The following SNTG2 variants were observed in gnomAD, a reference collection of about 807,000 sequenced individuals.
SNTG2 encodes syntrophin gamma 2, also known as gamma-2-syntrophin.
SNTG2 carries 74 observed loss-of-function variants against 70.9 expected under a neutral mutation model. The ratio of observed to expected loss-of-function variants is 1.04; its 90% CI spans 0.86 to 1.27. The LOEUF (loss-of-function observed/expected upper bound fraction) is 1.27. Among genes scored for constraint, SNTG2 ranks in the 50% most tolerant of loss-of-function variants. The pLI is 0.00. For missense variants in SNTG2, 717 were observed against 690.7 expected (o/e 1.04, Z -0.43); for synonymous variants, 278 against 273.8 (o/e 1.02, Z -0.15).
intron 6 of SNTG2, among the ~76,000 whole-genome samples, chr2:1,143,947 GA>G (rs767849622): frequency 4.8e-5 from 6 of 126,120 alleles, no homozygotes; most frequent in Non-Finnish European, 3.3e-5. Flanking sequence ...TTCTTAAGAG[GA>G]AAAAAAACAG....
At chr2:1,231,027 A>C (rs533412763) in intron 9 of SNTG2, among the ~76,000 whole-genome samples, 6 of 151,214 alleles carry the variant, frequency 4.0e-5, no homozygotes, top group African/African-American at 1.5e-4. Context: ...TAGGATAATG[A>C]CAGTGCCTCT....
At chr2:1,207,779 C>T (rs886085538) in intron 8 of SNTG2, among the ~76,000 whole-genome samples, 4 of 152,172 alleles carry the variant, frequency 2.6e-5, no homozygotes, top group Admixed American at 6.5e-5. Flanking sequence ...CAACCAGAGC[C>T]AGTTCAGCGG....
chr2:1,105,168 CCA>C (rs2148231473), intron 4 of SNTG2, among the ~76,000 whole-genome samples: 1 of 152,262 alleles, frequency 6.6e-6, no homozygotes, highest in Admixed American at 6.5e-5. Flanking sequence ...CTCTGCTGAA[CCA>C]TGGGAGCAGG....
intron 4 of SNTG2, among the ~76,000 whole-genome samples, chr2:1,104,769 C>T (rs1666004718): frequency 6.6e-6 from 1 of 152,210 alleles, no homozygotes; most frequent in South Asian, 2.1e-4. Context: ...TTGCTCTTCT[C>T]ACTGAACGAG....
At chr2:1,142,266 A>T (rs1320022499) in intron 6 of SNTG2, among the ~76,000 whole-genome samples, 1 of 152,226 alleles carries the variant, frequency 6.6e-6, no homozygotes, top group African/African-American at 2.4e-5. Flanking sequence ...CCATGGCTAG[A>T]TAGATCTGCA....
intron 16 of SNTG2, among the ~76,000 whole-genome samples, chr2:1,347,016 A>T (rs1660324661): frequency 6.6e-6 from 1 of 152,120 alleles, no homozygotes; most frequent in Non-Finnish European, 1.5e-5. Flanking sequence ...TTAAAAAAAA[A>T]ATCTGTTCAA....
At chr2:1,200,124 A>G (rs1400462188) in intron 8 of SNTG2, among the ~76,000 whole-genome samples, 1 of 152,082 alleles carries the variant, frequency 6.6e-6, no homozygotes, top group Non-Finnish European at 1.5e-5. Flanking sequence ...AATACACTAC[A>G]GAGCTATAGT....
At chr2:1,237,531 C>T (rs995946972) in intron 9 of SNTG2, among the ~76,000 whole-genome samples, 1 of 152,160 alleles carries the variant, frequency 6.6e-6, no homozygotes, top group Non-Finnish European at 1.5e-5. Context: ...TGCTGGGCTG[C>T]TCCAGCCTCA....
chr2:1,281,397 TTATGTGGTGTGTTGTGTGTGTGTG>T, intron 14 of SNTG2, among the ~76,000 whole-genome samples: 1 of 2,198 alleles, frequency 4.5e-4, no homozygotes, highest in East Asian at 0.01. Flanking sequence ...TGGTGTGTGT[TTATGTGGTGTGTTGTGTGTGTGTG>T]TGTGGTGTGG....
At chr2:1,167,837 G>A (rs1484980377) in intron 7 of SNTG2, among the ~76,000 whole-genome samples, 4 of 123,506 alleles carry the variant, frequency 3.2e-5, no homozygotes, top group African/African-American at 1.1e-4. Context: ...GCCCACAGAC[G>A]ACAGAACTGA....
At chr2:1,162,970 C>T (rs1670428528) in intron 6 of SNTG2, among the ~76,000 whole-genome samples, 1 of 152,192 alleles carries the variant, frequency 6.6e-6, no homozygotes, top group Non-Finnish European at 1.5e-5. Context: ...AGGAAAGACG[C>T]CTTGGAGACA....
chr2:1,076,557 A>C (rs1187805558), intron 1 of SNTG2, among the ~76,000 whole-genome samples: 1 of 152,222 alleles, frequency 6.6e-6, no homozygotes, highest in Non-Finnish European at 1.5e-5. Context: ...ACTTTATGTC[A>C]AGTATATTCT....
rs550690099 is a variant in SNTG2, at chr2:1,112,902, C to T, written c.325+14492C>T. ...TGTACTAACTGAGGTTTAACCCTCA[C>T]AGTACTTGGAGGAGGATCATGTATA... is the stretch of plus-strand genomic sequence containing the variant. On this transcript the variant is annotated intron_variant, in intron 4 of 16. Coordinates refer to ENST00000308624, the MANE Select transcript of SNTG2 (RefSeq NM_018968.4). Among the ~76,000 whole-genome samples the T allele has an allele frequency of 1.2e-3, 182 of 151,812 alleles. 1 individual carries two copies. Among genetic ancestry groups the T allele is most frequent in the Non-Finnish European group, 2.1e-3 (146 of 68,014 alleles).
At chr2:1,103,103 AC>A (rs1276900965) in intron 4 of SNTG2, among the ~76,000 whole-genome samples, 3 of 152,172 alleles carry the variant, frequency 2.0e-5, no homozygotes, top group Non-Finnish European at 4.4e-5. Flanking sequence ...TCACAGGTCC[AC>A]GTCATGGGTG....
intron 8 of SNTG2, among the ~76,000 whole-genome samples, chr2:1,202,150 T>A (rs1309074973): frequency 6.6e-6 from 1 of 151,988 alleles, no homozygotes; most frequent in Non-Finnish European, 1.5e-5. Context: ...GGCAAATAGG[T>A]GGGTATGTAT....
chr2:1,076,879 A>G (rs1164886952), intron 1 of SNTG2, among the ~76,000 whole-genome samples: 2 of 152,198 alleles, frequency 1.3e-5, no homozygotes, highest in Admixed American at 6.5e-5. Flanking sequence ...ACATTTGCAT[A>G]AATTATTAAT....
chr2:996,269 A>C (rs1167886547), intron 1 of SNTG2, among the ~76,000 whole-genome samples: 1 of 152,178 alleles, frequency 6.6e-6, no homozygotes, highest in Non-Finnish European at 1.5e-5. Context: ...GAACTTTTCA[A>C]ACACTTACCT....
intron 2 of SNTG2, among the ~76,000 whole-genome samples, chr2:1,094,924 G>C (rs1370675968): frequency 2.6e-5 from 3 of 115,676 alleles, no homozygotes; most frequent in Non-Finnish European, 3.5e-5. Flanking sequence ...GCAAGGGCTG[G>C]CTTCCTGGAC....
Position 996,673 on chromosome 2 carries a change from G to GTTTTTTTTTTTTTTTTTTTTTTTTTTT in SNTG2, c.72+45610_72+45636dup. ...ATATTGCTTGTATTTGAGTTACCCAGTTTTTTTTTTTTTTTTTTTTTTTTT... is the reference window on the plus strand; with the variant it reads ...ATATTGCTTGTATTTGAGTTACCCAGTTTTTTTTTTTTTTTTTTTTTTTTTTTTTTTTTTTTTTTTTTTTTTTTTTTT... On this transcript the variant is annotated intron_variant, in intron 1 of 16. Coordinates refer to ENST00000308624, the MANE Select transcript of SNTG2 (RefSeq NM_018968.4). Among the ~76,000 whole-genome samples, 23 of 35,098 alleles carry GTTTTTTTTTTTTTTTTTTTTTTTTTTT rather than the reference G, an allele frequency of 6.6e-4. 4 individuals carry two copies. Among genetic ancestry groups the GTTTTTTTTTTTTTTTTTTTTTTTTTTT allele is most frequent in the African/African-American group, 1.5e-3 (12 of 7,990 alleles). The allele number at this position is 35,098 out of a possible 152,430, so 23.0% of individuals were successfully genotyped here.
Sources: gnomAD v4.1 joint callset for allele counts (sites outside exome capture counted in the v4.1 genomes callset) on GRCh38, gnomAD v4.1.1 for gene constraint, MANE v1.5 for transcripts, NCBI Gene and HGNC (gene_info 2026-07-23, HGNC 2026-07-21) for gene names.